Variants in NTRK3 observed in about 807,000 individuals in gnomAD.
NTRK3 encodes the protein NT-3 growth factor receptor.
NTRK3 carries 24 observed loss-of-function variants against 91.7 expected under a neutral mutation model. That is an observed-to-expected ratio of 0.26 (90% confidence interval 0.19 to 0.37). The LOEUF (loss-of-function observed/expected upper bound fraction) is 0.37. NTRK3 is among the 10% of genes least tolerant of loss of function. The pLI, the probability that NTRK3 is intolerant of heterozygous loss-of-function variation, is 1.00. For synonymous variants in NTRK3, 483 were observed against 404.0 expected (o/e 1.20, Z -2.34); for missense variants, 880 against 1,068.9 (o/e 0.82, Z 2.46).
chr15:87,859,920 TTATGA>T (rs1428253631), exon 19 of NTRK3: 2 of 185,364 alleles, frequency 1.1e-5, no homozygotes, highest in Admixed American at 6.2e-5. Flanking sequence ...CAACTCTCAC[TTATGA>T]TATATTTATA....
intron 6 of NTRK3, among the ~76,000 whole-genome samples, chr15:88,141,498 G>C (rs779695215): frequency 1.1e-4 from 17 of 152,230 alleles, no homozygotes; most frequent in Non-Finnish European, 1.8e-4. Flanking sequence ...GACAAGGAGG[G>C]TCCAGATGCT....
At chr15:88,155,056 T>C (rs1380275140) in intron 5 of NTRK3, among the ~76,000 whole-genome samples, 1 of 152,220 alleles carries the variant, frequency 6.6e-6, no homozygotes, top group African/African-American at 2.4e-5. Flanking sequence ...TTATGTGTTG[T>C]CTACGGTCAT....
At position 87,903,430 on chromosome 15, in the gene NTRK3, A is replaced by G. The variant is rs1044212311; in HGVS notation, c.2134-23002T>C. On this transcript the variant is annotated intron_variant, in intron 17 of 18. Coordinates refer to ENST00000394480, the Ensembl canonical transcript of NTRK3. ...TCCCCTCCTCCATCATCTTCCCTGT[A>G]GCTCCTACAACCCCTTCCCTTGAAG... is the stretch of plus-strand genomic sequence containing the variant. 6.6e-5 allele frequency among the ~76,000 whole-genome samples: 10 copies of G among 152,134 alleles called. 1 individual carries two copies. The highest frequency in any genetic ancestry group is 6.5e-4 in the Admixed American group (10 of 15,270).
rs189752789 is a variant in NTRK3, at chr15:87,973,211, A to G, written c.1586-32458T>C. ...TGCCAAAATGAAAAGGGGCAAAAAC[A>G]CAGAGGGGTGTTAGACCTTATCACC... On this transcript the variant is annotated intron_variant, in intron 14 of 18. Coordinates refer to ENST00000394480, the Ensembl canonical transcript of NTRK3. Among the ~76,000 whole-genome samples, 37 of 152,338 alleles carry G rather than the reference A, an allele frequency of 2.4e-4. 1 individual carries two copies. The East Asian group carries it at 7.0e-3, about 29-fold the overall frequency.
chr15:87,976,939 C>A (rs962418479), intron 14 of NTRK3, among the ~76,000 whole-genome samples: 1 of 151,924 alleles, frequency 6.6e-6, no homozygotes, highest in Non-Finnish European at 1.5e-5. Flanking sequence ...CTCTCAGACC[C>A]CCATATATCA....
At chr15:88,111,056 T>G (rs1372193277) in intron 13 of NTRK3, among the ~76,000 whole-genome samples, 2 of 152,086 alleles carry the variant, frequency 1.3e-5, no homozygotes, top group African/African-American at 4.8e-5. Flanking sequence ...AGAAGACATG[T>G]CAAGAATGAC....
intron 6 of NTRK3, among the ~76,000 whole-genome samples, chr15:88,139,732 T>G (rs1439726761): frequency 6.6e-6 from 1 of 152,146 alleles, no homozygotes; most frequent in Non-Finnish European, 1.5e-5. Flanking sequence ...AAGTCACATG[T>G]GCAAGGTCTT....
chr15:87,865,140 G>T (rs56678095), exon 19 of NTRK3: 5 of 211,444 alleles, frequency 2.4e-5, no homozygotes, highest in African/African-American at 1.1e-4. Context: ...TAGGATTTGG[G>T]GTATGCAGCT....
exon 19 of NTRK3, chr15:87,866,045 A>T (rs1817016382): frequency 4.3e-6 from 1 of 230,748 alleles, no homozygotes; most frequent in African/African-American, 2.2e-5. Context: ...GGCCCTGTAC[A>T]GTTCACAGAG....
intron 5 of NTRK3, among the ~76,000 whole-genome samples, chr15:88,174,658 C>A (rs912047949): frequency 1.3e-5 from 2 of 152,242 alleles, no homozygotes; most frequent in Non-Finnish European, 2.9e-5. Flanking sequence ...CAGGGGGAAA[C>A]AGCTGTGCAC....
chr15:88,024,031 A>G (rs1217176455), intron 14 of NTRK3, among the ~76,000 whole-genome samples: 1 of 152,258 alleles, frequency 6.6e-6, no homozygotes, highest in Non-Finnish European at 1.5e-5. Context: ...AGAAGGTGAC[A>G]GAAATCTATA....
chr15:88,230,287 G>A (rs187552530), intron 3 of NTRK3, among the ~76,000 whole-genome samples: 4 of 152,328 alleles, frequency 2.6e-5, no homozygotes, highest in African/African-American at 7.2e-5. Flanking sequence ...TCATCCACCA[G>A]GATAAGAGGA....
rs746213234 is a variant in NTRK3 at position 88,234,909 on chromosome 15, C to T, written c.248+20997G>A. On this transcript the variant is annotated intron_variant, in intron 3 of 18. Transcript: ENST00000394480. This position sits in a 1 kb window ranked among gnomAD's most constrained non-coding sequence, Gnocchi z 6.1. The stretch of plus-strand genomic sequence containing the variant: ...CTCCCAGGGCCTCCTATCCAGCCCC[C>T]GACACACTTCCAGCCCCTTCCAACC... Among the ~76,000 whole-genome samples, 2 of 152,242 alleles carry T rather than the reference C, an allele frequency of 1.3e-5. No homozygotes were observed. The highest frequency in any genetic ancestry group is 2.9e-5 in the Non-Finnish European group (2 of 68,010).
chr15:88,082,277 C>CAAAA (rs1218706062), intron 13 of NTRK3, among the ~76,000 whole-genome samples: 1 of 70,044 alleles, frequency 1.4e-5, no homozygotes. Flanking sequence ...GACTCTGTCT[C>CAAAA]AAAAAAAAAA....
exon 14 of NTRK3, chr15:88,032,971 G>C: frequency 1.2e-6 from 2 of 1,612,134 alleles, no homozygotes; most frequent in Non-Finnish European, 1.7e-6. Flanking sequence ...AGTGACGAGG[G>C]CGTGGTGATG....
rs2048218718 is a variant in NTRK3 at position 88,083,279 on chromosome 15, G to A, written c.1396+42992C>T. ...CTTGTCACCCAGGCTGGAGTGCAAC[G>A]GCCCAATCTCGGCTCACTGCAACCT... On this transcript the variant is annotated intron_variant, in intron 13 of 18. Coordinates refer to ENST00000394480, the Ensembl canonical transcript of NTRK3. 3.3e-5 allele frequency among the ~76,000 whole-genome samples: 5 copies of A among 152,084 alleles called. 1 individual carries two copies. Among genetic ancestry groups the A allele is most frequent in the South Asian group, 2.1e-4 (1 of 4,834 alleles).
At chr15:88,205,808 A>T (rs941024424) in intron 3 of NTRK3, 2 of 152,106 alleles carry the variant, frequency 1.3e-5, no homozygotes, top group African/African-American at 4.8e-5. Context: ...GTCTCCCATA[A>T]CCCTGACCTA....
intron 13 of NTRK3, among the ~76,000 whole-genome samples, chr15:88,104,590 G>T (rs1194818785): frequency 6.6e-6 from 1 of 152,182 alleles, no homozygotes; most frequent in Non-Finnish European, 1.5e-5. Flanking sequence ...CAGCACTGAA[G>T]TTCAGTTACT....
intron 14 of NTRK3, among the ~76,000 whole-genome samples, chr15:88,012,743 CG>C (rs138106658): frequency 6.6e-6 from 1 of 152,052 alleles, no homozygotes; most frequent in African/African-American, 2.4e-5. Context: ...TATTTTTGAT[CG>C]GGGGAAAAAG....
Sources: gnomAD v4.1 joint callset for allele counts (sites outside exome capture counted in the v4.1 genomes callset) on GRCh38, gnomAD v4.1.1 for gene constraint, Gnocchi (gnomAD v3.1) non-coding constraint, MANE v1.5 for transcripts, NCBI Gene and HGNC (gene_info 2026-07-23, HGNC 2026-07-21) for gene names.